The following OGDH variants were observed in gnomAD, a reference collection of about 807,000 sequenced individuals.
OGDH encodes the protein oxoglutarate dehydrogenase.
In OGDH, 38 loss-of-function variants were observed where a neutral mutation model predicts 116.6. The ratio of observed to expected loss-of-function variants is 0.33; its 90% CI spans 0.25 to 0.43. The LOEUF (loss-of-function observed/expected upper bound fraction) is 0.43. Among genes scored for constraint, OGDH ranks in the 20% least tolerant of loss-of-function variants. The pLI is 1.00. For synonymous variants in OGDH, 488 were observed against 533.3 expected (o/e 0.92, Z 1.17); for missense variants, 825 against 1,357.2 (o/e 0.61, Z 6.16).
chr7:44,662,710 C>T (rs904875682), intron 4 of OGDH, among the ~76,000 whole-genome samples: 5 of 152,146 alleles, frequency 3.3e-5, no homozygotes, highest in Non-Finnish European at 7.4e-5. Flanking sequence ...ATCTGCCCCA[C>T]CTCGGCCTCC....
intron 1 of OGDH, among the ~76,000 whole-genome samples, chr7:44,619,505 G>T (rs888037727): frequency 1.3e-5 from 2 of 152,190 alleles, no homozygotes; most frequent in Non-Finnish European, 2.9e-5. Flanking sequence ...TGTCTTTTGC[G>T]TCTGCTGCTT....
Position 44,693,818 on chromosome 7 carries a change from C to G in OGDH, c.1336-7C>G. 1 of 1,576,474 alleles carries G rather than the reference C, an allele frequency of 6.3e-7. No homozygotes were observed. Among genetic ancestry groups the G allele is most frequent in the Non-Finnish European group, 8.7e-7 (1 of 1,154,884 alleles). On this transcript the variant is annotated splice_region_variant and splice_polypyrimidine_tract_variant and intron_variant, in intron 10 of 22. Transcript: ENST00000222673. ...TGCCCTCTTGCTAGGCTACATGTTC[C>G]TTGCAGATCGGCTTCACCACCGACC... is the stretch of plus-strand genomic sequence containing the variant.
rs140414108 is a variant in OGDH, at chr7:44,682,564, G to A, written c.1335+716G>A. 4.1e-3 allele frequency among the ~76,000 whole-genome samples: 622 copies of A among 151,294 alleles called. 4 individuals are homozygous for A. Among genetic ancestry groups the A allele is most frequent in the African/African-American group, 0.015 (605 of 41,200 alleles). On this transcript the variant is annotated intron_variant, in intron 10 of 22. Coordinates refer to ENST00000222673, the MANE Select transcript of OGDH (RefSeq NM_002541.4). ...AATACAAAGCTACCTGCTTGGTGGCGCGCACTTGTAATCCCAGCTGCTTGG... is the reference window on the plus strand; with the variant it reads ...AATACAAAGCTACCTGCTTGGTGGCACGCACTTGTAATCCCAGCTGCTTGG...
intron 10 of OGDH, among the ~76,000 whole-genome samples, chr7:44,691,717 CCTGTAATCCCAG>C (rs1788372393): frequency 6.6e-6 from 1 of 151,826 alleles, no homozygotes; most frequent in African/African-American, 2.4e-5. Flanking sequence ...GTGGCTCACG[CCTGTAATCCCAG>C]CACTTTGGGA....
rs774850831 is a variant in OGDH at position 44,696,011 on chromosome 7, G to A, written c.1669-14G>A. On this transcript the variant is annotated splice_polypyrimidine_tract_variant and intron_variant, in intron 12 of 22. Transcript: ENST00000222673. Reference sequence around the variant, plus strand: ...CCCTGTGCCAGTCACGCTGTGTTGTGCCCAACCCTCCAGGAGGAAATTTCC... The same window carrying A: ...CCCTGTGCCAGTCACGCTGTGTTGTACCCAACCCTCCAGGAGGAAATTTCC... The A allele has an allele frequency of 4.7e-6, 7 of 1,485,000 alleles. No individual in the cohort carries two copies. In the South Asian group the frequency reaches 5.7e-5, roughly 12 times the overall value. The allele number at this position is 1,485,000 out of a possible 1,614,324, so 92.0% of individuals were successfully genotyped here. A position where few individuals can be genotyped will look rare whatever the true frequency, so the allele number is the denominator to read the frequency against.
Position 44,694,345 on chromosome 7 carries a change from G to C in OGDH, c.1516-79G>C. On this transcript the variant is annotated intron_variant, in intron 11 of 22. Coordinates refer to ENST00000222673, the MANE Select transcript of OGDH (RefSeq NM_002541.4). This position sits in a 1 kb window ranked among gnomAD's most constrained non-coding sequence, Gnocchi z 4.2. The stretch of plus-strand genomic sequence containing the variant: ...AAGAACGTGGCCATCACCTAGGAGA[G>C]ATGGGGCAGGTGCCTGAACAGCACT... The C allele has an allele frequency of 6.4e-7, 1 of 1,555,524 alleles. No homozygotes were observed. The highest frequency in any genetic ancestry group is 8.7e-7 in the Non-Finnish European group (1 of 1,147,158).
intron 4 of OGDH, among the ~76,000 whole-genome samples, chr7:44,665,474 A>T (rs1787147369): frequency 6.6e-6 from 1 of 152,258 alleles, no homozygotes; most frequent in Middle Eastern, 3.4e-3. Context: ...ACCTTGGGAG[A>T]TTTGTGGGCC....
At chr7:44,645,179 A>G in intron 2 of OGDH, 148 bp from the exon 3 acceptor site, 1 of 679,656 alleles carries the variant, frequency 1.5e-6, no homozygotes. Context: ...GTTTGGGAAC[A>G]GACAGAGACC....
At position 44,633,251 on chromosome 7, in the gene OGDH, T is replaced by TC. The variant is rs1395024055; in HGVS notation, c.222+8687dup. ...CTGGGCAACAGAGCGAGACTCTGTG[T>TC]CAAAAAAAAAAAAAAAAAAAAAACC... On this transcript the variant is annotated intron_variant, in intron 2 of 22. Coordinates refer to ENST00000222673, the MANE Select transcript of OGDH (RefSeq NM_002541.4). 2.2e-4 allele frequency among the ~76,000 whole-genome samples: 9 copies of TC among 41,116 alleles called. No homozygotes were observed. In the Admixed American group the frequency reaches 2.4e-3, roughly 11 times the overall value. 27.0% of individuals were successfully genotyped at this position (41,116 alleles called of 152,430 possible).
intron 2 of OGDH, among the ~76,000 whole-genome samples, chr7:44,626,364 T>C (rs909470318): frequency 1.4e-5 from 2 of 146,786 alleles, no homozygotes; most frequent in Non-Finnish European, 3.0e-5. Flanking sequence ...CACACACCCC[T>C]ACACCTGCAG....
intron 10 of OGDH, among the ~76,000 whole-genome samples, chr7:44,691,496 C>T (rs1042055235): frequency 1.2e-4 from 17 of 144,890 alleles, no homozygotes; most frequent in Admixed American, 2.1e-4. Flanking sequence ...CACACCACTA[C>T]GTTCCAGCCT....
At chr7:44,672,653 T>G (rs1277754730) in intron 5 of OGDH, among the ~76,000 whole-genome samples, 5 of 149,580 alleles carry the variant, frequency 3.3e-5, no homozygotes, top group Non-Finnish European at 5.9e-5. Context: ...TGTTTTTTTT[T>G]TTTTTTTGAG....
intron 1 of OGDH, among the ~76,000 whole-genome samples, chr7:44,619,377 C>T (rs559694095): frequency 6.6e-6 from 1 of 152,222 alleles, no homozygotes; most frequent in Admixed American, 6.5e-5. Context: ...GATGCTGTCT[C>T]CAGGTAGGTA....
intron 20 of OGDH, 67 bp downstream of exon 20, chr7:44,701,682 T>C: frequency 7.1e-7 from 1 of 1,414,548 alleles, no homozygotes; most frequent in Non-Finnish European, 1.0e-6. Context: ...GCTGCTGCTC[T>C]TTTACAGCTC....
intron 7 of OGDH, 60 bp downstream of exon 7, chr7:44,674,617 C>T (rs949907514): frequency 1.9e-6 from 3 of 1,592,182 alleles, no homozygotes; most frequent in Admixed American, 3.4e-5. Flanking sequence ...GTGTAGGAGG[C>T]ACCAGGTAAA....
At position 44,645,457 on chromosome 7, in the gene OGDH, C is replaced by T; in HGVS notation, c.353C>T (p.Pro118Leu). 1 of 1,614,172 alleles carries T rather than the reference C, an allele frequency of 6.2e-7. No individual in the cohort carries two copies. Residue 118 changes from proline (P) to leucine (L), a missense_variant, in exon 3 of 23, where the codon CCC becomes CTC. Transcript: ENST00000222673. ...GCACAGTCCCTGGTAGAAGCACAGCCCAACGTGGACAAGCTCGTGGAGGAC... is the reference window on the plus strand; with the variant it reads ...GCACAGTCCCTGGTAGAAGCACAGCTCAACGTGGACAAGCTCGTGGAGGAC... The part of the protein sequence containing the change: ...AHAQSLVEAQ[P>L]NVDKLVEDHL...
intron 5 of OGDH, among the ~76,000 whole-genome samples, chr7:44,672,798 A>C (rs927087978): frequency 5.9e-5 from 9 of 151,944 alleles, no homozygotes; most frequent in Non-Finnish European, 1.3e-4. Context: ...ACATGCCACC[A>C]TACCTGGCTA....
intron 10 of OGDH, among the ~76,000 whole-genome samples, chr7:44,686,171 G>A (rs929896558): frequency 6.6e-6 from 1 of 151,628 alleles, no homozygotes; most frequent in Non-Finnish European, 1.5e-5. Flanking sequence ...TATTGCACTG[G>A]CTAGGACCTC....
At chr7:44,637,253 G>T (rs1487000592) in intron 2 of OGDH, among the ~76,000 whole-genome samples, 1 of 152,112 alleles carries the variant, frequency 6.6e-6, no homozygotes, top group African/African-American at 2.4e-5. Context: ...GGCTCTGCAG[G>T]CCTTACCTTG....
Sources: gnomAD v4.1 joint callset for allele counts (sites outside exome capture counted in the v4.1 genomes callset) on GRCh38, gnomAD v4.1.1 for gene constraint, Gnocchi (gnomAD v3.1) non-coding constraint, MANE v1.5 for transcripts, NCBI Gene and HGNC (gene_info 2026-07-23, HGNC 2026-07-21) for gene names.